Variants in HS1BP3 observed in about 807,000 individuals in gnomAD.
The protein encoded by HS1BP3 is HCLS1-binding protein 3.
Under a neutral mutation model 33.5 loss-of-function variants are expected in HS1BP3, and 32 were observed. The observed-to-expected ratio is 0.95, with a 90% CI of 0.72 to 1.28. HS1BP3 has a LOEUF of 1.28. Among genes scored for constraint, HS1BP3 ranks in the 50% most tolerant of loss-of-function variants. The pLI is 0.00. For synonymous variants in HS1BP3, 187 were observed against 209.2 expected, an observed-to-expected ratio of 0.89 and a Z score of 0.92; for missense variants, 486 against 502.3, an observed-to-expected ratio of 0.97 and a Z score of 0.31.
chr2:20,569,886 G>T (rs1032441992), intron 5 of HS1BP3, among the ~76,000 whole-genome samples: 1 of 151,698 alleles, frequency 6.6e-6, no homozygotes, highest in Non-Finnish European at 1.5e-5. Flanking sequence ...GAAAAGGCAG[G>T]CAGGTGCTGC....
At chr2:20,598,399 C>T (rs1693991341) in intron 2 of HS1BP3, 3 of 197,606 alleles carry the variant, frequency 1.5e-5, no homozygotes, top group Middle Eastern at 6.9e-4. Flanking sequence ...TCTAATGCTG[C>T]CGCTGATCTG....
the HS1BP3 span, among the ~76,000 whole-genome samples, chr2:20,555,288 G>C: frequency 1.3e-5 from 2 of 152,374 alleles, no homozygotes; most frequent in African/African-American, 4.8e-5. Flanking sequence ...CCAGGTGGCT[G>C]TTATCAGACC....
chr2:20,642,478 C>A (rs994229795), intron 2 of HS1BP3, among the ~76,000 whole-genome samples: 1 of 152,224 alleles, frequency 6.6e-6, no homozygotes, highest in Non-Finnish European at 1.5e-5. Context: ...GAAAGGCACA[C>A]GGACCCCTTC....
chr2:20,554,336 C>T, the HS1BP3 span, among the ~76,000 whole-genome samples: 1,473 of 152,306 alleles, frequency 9.7e-3, 10 homozygotes, highest in Admixed American at 0.021. Context: ...GCCTGACACA[C>T]GCTCCTAACA....
chr2:20,573,988 G>A (rs1410359892), intron 5 of HS1BP3, among the ~76,000 whole-genome samples: 1 of 152,208 alleles, frequency 6.6e-6, no homozygotes, highest in East Asian at 1.9e-4. Context: ...AAGCTTCTTG[G>A]ACACTCAACA....
At chr2:20,597,678 T>C (rs1271478639) in intron 3 of HS1BP3, among the ~76,000 whole-genome samples, 1 of 152,078 alleles carries the variant, frequency 6.6e-6, no homozygotes, top group African/African-American at 2.4e-5. Context: ...AAAAAATTCT[T>C]GCTGATTAAA....
At chr2:20,642,880 A>C (rs747585884) in intron 2 of HS1BP3, among the ~76,000 whole-genome samples, 24 of 152,238 alleles carry the variant, frequency 1.6e-4, no homozygotes, top group Non-Finnish European at 3.4e-4. Flanking sequence ...ACAGCCCTGT[A>C]ACGTTAGTAA....
intron 6 of HS1BP3, among the ~76,000 whole-genome samples, chr2:20,620,470 A>G (rs1694562046): frequency 1.3e-5 from 2 of 152,204 alleles, no homozygotes; most frequent in African/African-American, 4.8e-5. Context: ...AGGTGAGTGA[A>G]GGCAGAAGAC....
intron 5 of HS1BP3, among the ~76,000 whole-genome samples, chr2:20,560,779 C>CCATAGG (rs1692972190): frequency 6.6e-6 from 1 of 152,114 alleles, no homozygotes; most frequent in African/African-American, 2.4e-5. Context: ...CTATGGCCTC[C>CCATAGG]GACTGCAGGC....
At chr2:20,614,716 C>A (rs1028906929), downstream of HS1BP3, among the ~76,000 whole-genome samples, 1 of 152,218 alleles carries the variant, frequency 6.6e-6, no homozygotes, top group African/African-American at 2.4e-5. Context: ...ATTTAAAAAG[C>A]CATTCAGAGG....
chr2:20,572,473 T>C (rs1693297736), intron 5 of HS1BP3, among the ~76,000 whole-genome samples: 1 of 152,204 alleles, frequency 6.6e-6, no homozygotes, highest in South Asian at 2.1e-4. Flanking sequence ...AGAGACAGCA[T>C]GATGTCGTGA....
intron 3 of HS1BP3, chr2:20,640,663 G>T (rs1040878332): frequency 1.8e-6 from 1 of 558,212 alleles, no homozygotes; most frequent in Non-Finnish European, 3.3e-6. Context: ...TGTGGTGCAT[G>T]GTCAGTCGGG....
At chr2:20,561,700 A>G (rs1380747805) in intron 5 of HS1BP3, among the ~76,000 whole-genome samples, 2 of 152,152 alleles carry the variant, frequency 1.3e-5, no homozygotes, top group Non-Finnish European at 2.9e-5. Context: ...CTGCTGTGAT[A>G]CTGTGATGTA....
At chr2:20,633,941 C>T (rs1695042652) in intron 4 of HS1BP3, among the ~76,000 whole-genome samples, 1 of 152,274 alleles carries the variant, frequency 6.6e-6, no homozygotes, top group Non-Finnish European at 1.5e-5. Context: ...TGGCACCTGC[C>T]TCCTCCTTTC....
intron 2 of HS1BP3, among the ~76,000 whole-genome samples, chr2:20,643,536 G>A (rs1251791503): frequency 6.6e-6 from 1 of 152,178 alleles, no homozygotes; most frequent in South Asian, 2.1e-4. Context: ...GACATCACAC[G>A]TTGCTTCTCA....
intron 5 of HS1BP3, among the ~76,000 whole-genome samples, chr2:20,579,341 A>T (rs1693476854): frequency 6.6e-6 from 1 of 152,242 alleles, no homozygotes; most frequent in Non-Finnish European, 1.5e-5. Context: ...CCTGGCTGTT[A>T]GTGGGCCGTG....
At chr2:20,608,443 G>T (rs10210354) in intron 2 of HS1BP3, among the ~76,000 whole-genome samples, 2,538 of 152,012 alleles carry the variant, frequency 0.017, 76 homozygotes, top group African/African-American at 0.059. Context: ...CTGTGGTGGT[G>T]CATGCCTGTA....
At chr2:20,622,539 T>C in intron 6 of HS1BP3, 1 of 344,988 alleles carries the variant, frequency 2.9e-6, no homozygotes, top group Non-Finnish European at 5.8e-6. Context: ...TTTGTGGCAT[T>C]TCCCCAATTC....
intron 5 of HS1BP3, among the ~76,000 whole-genome samples, chr2:20,562,754 C>T (rs931962101): frequency 1.3e-5 from 2 of 152,128 alleles, no homozygotes; most frequent in South Asian, 2.1e-4. Context: ...GAATTCAAAG[C>T]GAGGACAGAC....
Sources: gnomAD v4.1 joint callset for allele counts (sites outside exome capture counted in the v4.1 genomes callset) on GRCh38, gnomAD v4.1.1 for gene constraint, MANE v1.5 for transcripts, NCBI Gene and HGNC (gene_info 2026-07-23, HGNC 2026-07-21) for gene names.